Variants in KDM4C observed in about 807,000 individuals in gnomAD.
KDM4C encodes the protein lysine demethylase 4C, also known as lysine-specific demethylase 4C.
A neutral mutation model predicts 129.3 loss-of-function variants in KDM4C; 81 were observed. The ratio of observed to expected loss-of-function variants is 0.63; its 90% confidence interval spans 0.52 to 0.75. The LOEUF is 0.75. KDM4C is among the 30% of genes least tolerant of loss of function. The probability of loss-of-function intolerance (pLI) is 0.00; values close to 1 mark genes in which losing one functional copy is unlikely to be tolerated. For missense variants in KDM4C, 1,457 were observed against 1,304.0 expected (o/e 1.12, Z -1.81); for synonymous variants, 573 against 456.1 (o/e 1.26, Z -3.26).
At chr9:7,146,413 C>G (rs550222167) in intron 19 of KDM4C, among the ~76,000 whole-genome samples, 1 of 152,168 alleles carries the variant, frequency 6.6e-6, no homozygotes, top group East Asian at 1.9e-4. Flanking sequence ...TTTTCCTTAT[C>G]TAGATCTTTA....
At chr9:6,784,887 T>A (rs1366727993) in intron 1 of KDM4C, among the ~76,000 whole-genome samples, 1 of 152,178 alleles carries the variant, frequency 6.6e-6, no homozygotes, top group Non-Finnish European at 1.5e-5. Flanking sequence ...AATGGAGAGT[T>A]GTGGAGGTGG....
At chr9:6,748,054 T>C (rs1359641463) in intron 1 of KDM4C, among the ~76,000 whole-genome samples, 1 of 151,752 alleles carries the variant, frequency 6.6e-6, no homozygotes, top group Non-Finnish European at 1.5e-5. Flanking sequence ...GGCATGCGCC[T>C]ATGAGGGAGG....
At chr9:6,746,381 G>A (rs1045149256) in intron 1 of KDM4C, among the ~76,000 whole-genome samples, 6 of 146,144 alleles carry the variant, frequency 4.1e-5, no homozygotes, top group African/African-American at 1.3e-4. Context: ...CCATTCTCCT[G>A]CCTCAGCCTC....
Position 6,781,200 on chromosome 9 carries a change from T to C in KDM4C, c.-17-11772T>C, listed in dbSNP as rs773092479. ...CAGGGGATTTTTCTGAATGGTCTTA[T>C]TACAAGGGCCAAGGTATAGTTGATT... On this transcript the variant is annotated intron_variant, in intron 1 of 21. Coordinates refer to ENST00000381309, the MANE Select transcript of KDM4C (RefSeq NM_015061.6). Among the ~76,000 whole-genome samples the C allele has an allele frequency of 2.6e-5, 4 of 152,254 alleles. No homozygotes were observed. The East Asian group carries it at 5.8e-4, about 22-fold the overall frequency.
intron 8 of KDM4C, among the ~76,000 whole-genome samples, chr9:6,972,684 T>A (rs982078041): frequency 6.6e-6 from 1 of 152,250 alleles, no homozygotes; most frequent in Admixed American, 6.5e-5. Flanking sequence ...ATGAGTTTCA[T>A]GTTAGGCAGC....
intron 1 of KDM4C, among the ~76,000 whole-genome samples, chr9:6,760,862 G>A (rs749274562): frequency 2.1e-4 from 32 of 151,884 alleles, no homozygotes; most frequent in Middle Eastern, 3.4e-3. Context: ...GTGAGCCACC[G>A]TGCCTGGCTT....
chr9:7,124,737 G>C (rs866131634), intron 18 of KDM4C, among the ~76,000 whole-genome samples: 2 of 152,110 alleles, frequency 1.3e-5, no homozygotes, highest in African/African-American at 4.8e-5. Context: ...CATACCTACC[G>C]ACACCTAAAG....
At chr9:6,950,267 A>G (rs530928094) in intron 8 of KDM4C, among the ~76,000 whole-genome samples, 4 of 152,260 alleles carry the variant, frequency 2.6e-5, no homozygotes, top group East Asian at 3.9e-4. Flanking sequence ...TATTCTTTCT[A>G]TAGTTCATTA....
intron 8 of KDM4C, among the ~76,000 whole-genome samples, chr9:6,961,024 T>C (rs1193639750): frequency 6.6e-6 from 1 of 152,180 alleles, no homozygotes; most frequent in Non-Finnish European, 1.5e-5. Context: ...AGGTGGCTTC[T>C]AGGACACTCT....
chr9:7,154,712 C>T (rs1397748959), intron 19 of KDM4C, among the ~76,000 whole-genome samples: 1 of 152,188 alleles, frequency 6.6e-6, no homozygotes. Context: ...TAACTGATCA[C>T]AGCCAAAAGG....
chr9:6,956,351 C>T (rs1435395333), intron 8 of KDM4C, among the ~76,000 whole-genome samples: 2 of 152,042 alleles, frequency 1.3e-5, no homozygotes, highest in Admixed American at 6.6e-5. Context: ...ATCAAAACAC[C>T]TTATGTACTC....
intron 5 of KDM4C, among the ~76,000 whole-genome samples, chr9:6,862,204 G>A (rs929750686): frequency 3.9e-5 from 6 of 152,190 alleles, no homozygotes; most frequent in African/African-American, 1.4e-4. Context: ...TTTTTGGGAA[G>A]ATATTATACT....
chr9:7,165,564 G>A (rs891414233), intron 20 of KDM4C, among the ~76,000 whole-genome samples: 1 of 152,242 alleles, frequency 6.6e-6, no homozygotes, highest in African/African-American at 2.4e-5. Flanking sequence ...ACTCTTAACA[G>A]CATTTGATGA....
At chr9:7,091,420 T>C (rs1017420356) in intron 17 of KDM4C, among the ~76,000 whole-genome samples, 9 of 152,164 alleles carry the variant, frequency 5.9e-5, no homozygotes, top group Admixed American at 2.6e-4. Context: ...ACTAAAACAC[T>C]TTATACTTAA....
At chr9:6,925,411 TCCCTTTC>T (rs1459952450) in intron 8 of KDM4C, 1 of 978,510 alleles carries the variant, frequency 1.0e-6, no homozygotes, top group Non-Finnish European at 1.2e-6. Flanking sequence ...TCCTTCCCTT[TCCCTTTC>T]CCCTTCCTCC....
At chr9:7,025,210 A>G (rs574673965) in intron 15 of KDM4C, among the ~76,000 whole-genome samples, 1 of 152,152 alleles carries the variant, frequency 6.6e-6, no homozygotes, top group Admixed American at 6.5e-5. Flanking sequence ...TCGCCATGGA[A>G]TATCTTTTTT....
At chr9:6,873,673 A>G (rs1843115535) in intron 5 of KDM4C, among the ~76,000 whole-genome samples, 1 of 152,180 alleles carries the variant, frequency 6.6e-6, no homozygotes, top group Non-Finnish European at 1.5e-5. Context: ...GTTTGATCTT[A>G]TGTCCAGACA....
intron 7 of KDM4C, among the ~76,000 whole-genome samples, chr9:6,892,363 G>C (rs1846218987): frequency 6.6e-6 from 1 of 151,838 alleles, no homozygotes; most frequent in African/African-American, 2.4e-5. Context: ...CACTTTTTCT[G>C]TAGACCATGG....
chr9:7,128,724 G>A lies in KDM4C; in HGVS notation c.2781+488G>A, dbSNP rs555401639. ...GTAACAAAAGTCACACAGAAGAAAG[G>A]CTGTGGCATTTAAGTAGTTTCGTTA... is the stretch of plus-strand genomic sequence containing the variant. On this transcript the variant is annotated intron_variant, in intron 19 of 21. Coordinates refer to ENST00000381309, the MANE Select transcript of KDM4C (RefSeq NM_015061.6). Among the ~76,000 whole-genome samples the A allele has an allele frequency of 3.3e-5, 5 of 152,256 alleles. No homozygotes were observed. In the East Asian group the frequency reaches 9.6e-4, roughly 29 times the overall value.
Sources: allele counts gnomAD v4.1 joint callset (sites outside exome capture counted in the v4.1 genomes callset), GRCh38; gene constraint gnomAD v4.1.1; transcripts MANE v1.5; gene names NCBI Gene and HGNC (gene_info 2026-07-23, HGNC 2026-07-21).